Variants in NRK observed in about 807,000 individuals in gnomAD.
The protein encoded by NRK is nik-related protein kinase.
A neutral mutation model predicts 125.2 loss-of-function variants in NRK; 67 were observed. The observed-to-expected ratio is 0.54, with a 90% CI of 0.44 to 0.66. The LOEUF is 0.66. NRK is among the 30% of genes least tolerant of loss of function. The pLI is 0.00. For missense variants in NRK, 1,224 were observed against 1,192.9 expected, an observed-to-expected ratio of 1.03 and a Z score of -0.38; for synonymous variants, 458 against 429.0, an observed-to-expected ratio of 1.07 and a Z score of -0.84.
intron 2 of NRK, among the ~76,000 whole-genome samples, chrX:105,841,955 G>A (rs967195291): frequency 9.0e-6 from 1 of 110,965 alleles, no homozygotes; most frequent in Admixed American, 9.6e-5. Context: ...CTGAGTTACT[G>A]AATAGGTTCA....
chrX:105,867,015 T>C (rs1372288293), intron 2 of NRK, among the ~76,000 whole-genome samples: 1 of 111,121 alleles, frequency 9.0e-6, no homozygotes, highest in Non-Finnish European at 1.9e-5. Context: ...CAGTAGAGGA[T>C]AGTGAAAACA....
At position 105,892,797 on chromosome X, in the gene NRK, C is replaced by T. The variant is rs188419645; in HGVS notation, c.379-1035C>T. Among the ~76,000 whole-genome samples, 239 of 111,358 alleles carry T rather than the reference C, an allele frequency of 2.1e-3. 3 individuals carry two copies. Among genetic ancestry groups the T allele is most frequent in the African/African-American group, 7.2e-3 (220 of 30,705 alleles). On this transcript the variant is annotated intron_variant, in intron 5 of 28. Transcript: ENST00000243300. Reference sequence around the variant, plus strand: ...TGCAATAATATCAATGGTGAATAACCGTAAATTAGGGGAGTAGTTTTCTGA... The same window carrying T: ...TGCAATAATATCAATGGTGAATAACTGTAAATTAGGGGAGTAGTTTTCTGA...
In NRK at chrX:105,906,413, G is replaced by T; in HGVS notation, c.846-1G>T. The T allele has an allele frequency of 1.8e-6, 2 of 1,133,021 alleles. No individual in the cohort carries two copies. Among genetic ancestry groups the T allele is most frequent in the Non-Finnish European group, 2.4e-6 (2 of 845,166 alleles). 93.4% of individuals were successfully genotyped at this position (1,133,021 alleles called of 1,213,427 possible). A position where few individuals can be genotyped will look rare whatever the true frequency, so the allele number is the denominator to read the frequency against. ...TTTCCTCTCTTTGACTCATTTTTTAGGTCCCGTAAGTTCCACAATTTCATG... is the reference window on the plus strand; with the variant it reads ...TTTCCTCTCTTTGACTCATTTTTTATGTCCCGTAAGTTCCACAATTTCATG... On this transcript the variant is annotated splice_acceptor_variant, in intron 10 of 28. Coordinates refer to ENST00000243300, the MANE Select transcript of NRK (RefSeq NM_198465.4). LOFTEE classifies it high-confidence loss of function.
intron 15 of NRK, among the ~76,000 whole-genome samples, chrX:105,916,074 T>A (rs1034631108): frequency 4.5e-5 from 5 of 110,980 alleles, no homozygotes; most frequent in African/African-American, 1.6e-4. Context: ...ACAAATACTT[T>A]GACAGTATTC....
rs753583594 is a variant in NRK at position 105,953,038 on chromosome X, T to A, written c.4518T>A (p.Phe1506Leu). 1.7e-6 allele frequency: 2 copies of A among 1,162,125 alleles called. No individual in the cohort carries two copies. The highest frequency in any genetic ancestry group is 2.3e-6 in the Non-Finnish European group (2 of 865,570). The change falls in exon 28 of 29, where the codon TTT becomes TTA. Residue 1506 changes from phenylalanine (F) to leucine (L), a missense_variant. Phe to Leu is a conservative substitution (Grantham distance 22, BLOSUM62 0). Coordinates refer to ENST00000243300, the MANE Select transcript of NRK (RefSeq NM_198465.4). ...MWKDIPSSIA[F>L]ECTQRTTGWG... ...TTTTTTTCATTTGTATTGTAGCTTT[T>A]GAATGTACACAGCGAACCACAGGAT...
intron 5 of NRK, among the ~76,000 whole-genome samples, chrX:105,891,821 A>G (rs2040019136): frequency 8.9e-6 from 1 of 112,287 alleles, no homozygotes; most frequent in Non-Finnish European, 1.9e-5. Flanking sequence ...GTTTTCTCTC[A>G]GATGTCCAGT....
intron 19 of NRK, among the ~76,000 whole-genome samples, chrX:105,931,067 T>C (rs2040588606): frequency 8.9e-6 from 1 of 112,269 alleles, no homozygotes; most frequent in Admixed American, 9.4e-5. Flanking sequence ...TCTGGCTTAC[T>C]GGGATCAGTG....
intron 2 of NRK, among the ~76,000 whole-genome samples, chrX:105,858,678 TG>T (rs1292497573): frequency 9.0e-6 from 1 of 110,667 alleles, no homozygotes; most frequent in Non-Finnish European, 1.9e-5. Flanking sequence ...TCTGGTGAGG[TG>T]GCCTGATTTG....
intron 2 of NRK, among the ~76,000 whole-genome samples, chrX:105,860,569 C>T (rs1409918033): frequency 1.9e-4 from 21 of 110,204 alleles, no homozygotes; most frequent in Non-Finnish European, 3.2e-4. Flanking sequence ...TCCCCCAGGC[C>T]CCCTGCCCCC....
intron 18 of NRK, 68 bp from the exon 19 acceptor site, chrX:105,924,627 G>T: frequency 3.3e-6 from 3 of 911,944 alleles, no homozygotes; most frequent in Middle Eastern, 3.0e-4. Flanking sequence ...TAATTCTGTT[G>T]TACTTGCTAA....
At chrX:105,831,436 A>G (rs952456828) in intron 2 of NRK, among the ~76,000 whole-genome samples, 2 of 112,499 alleles carry the variant, frequency 1.8e-5, no homozygotes, top group Non-Finnish European at 3.8e-5. Flanking sequence ...GTATACATCC[A>G]TACCATTCTA....
At chrX:105,856,720 T>A (rs2039536246) in intron 2 of NRK, among the ~76,000 whole-genome samples, 1 of 111,812 alleles carries the variant, frequency 8.9e-6, no homozygotes, top group Admixed American at 9.5e-5. Flanking sequence ...ATGTTTCGAA[T>A]AGATGCTAAT....
intron 27 of NRK, among the ~76,000 whole-genome samples, chrX:105,951,493 G>C (rs947080749): frequency 1.8e-5 from 2 of 112,036 alleles, no homozygotes; most frequent in Non-Finnish European, 3.8e-5. Context: ...TTGAGAGTAT[G>C]CTAAAGACTG....
At chrX:105,921,753 GAAA>G (rs1371796066) in intron 16 of NRK, among the ~76,000 whole-genome samples, 2 of 107,596 alleles carry the variant, frequency 1.9e-5, no homozygotes, top group Non-Finnish European at 3.8e-5. Flanking sequence ...ACAGATGGAA[GAAA>G]ACTTGAACCC....
At position 105,946,471 on chromosome X, in the gene NRK, T is replaced by A; in HGVS notation, c.4353+7T>A. On this transcript the variant is annotated splice_region_variant and intron_variant, in intron 26 of 28. Transcript: ENST00000243300. Reference sequence around the variant, plus strand: ...TGTGACCCTGCCAAAGAATGTAAGATAACACCTTCAGATTCCTAGAAATTA... The same window carrying A: ...TGTGACCCTGCCAAAGAATGTAAGAAAACACCTTCAGATTCCTAGAAATTA... 8.7e-7 allele frequency: 1 copy of A among 1,152,063 alleles called. No individual in the cohort carries two copies. The highest frequency in any genetic ancestry group is 1.8e-5 in the African/African-American group (1 of 56,227). 94.9% of individuals were successfully genotyped at this position (1,152,063 alleles called of 1,213,427 possible).
rs750690609 is a variant in NRK at position 105,925,004 on chromosome X, G to A, written c.3285G>A (p.Ala1095=). 79 of 1,205,716 alleles carry A rather than the reference G, an allele frequency of 6.6e-5. No homozygotes were observed. The highest frequency in any genetic ancestry group is 5.3e-4 in the South Asian group (30 of 56,608). Residue 1095 remains alanine (A), a synonymous_variant, in exon 19 of 29, where the codon GCG becomes GCA. Coordinates refer to ENST00000243300, the MANE Select transcript of NRK (RefSeq NM_198465.4). ...ETDGPGLKRP[A]SQDFEYLQEE... Reference sequence around the variant, plus strand: ...ATGGTCCAGGATTGAAGAGACCTGCGTCTCAGGACTTTGAATATCTACAGG... The same window carrying A: ...ATGGTCCAGGATTGAAGAGACCTGCATCTCAGGACTTTGAATATCTACAGG...
chrX:105,824,074 A>G (rs1366129071), intron 1 of NRK, among the ~76,000 whole-genome samples: 1 of 112,255 alleles, frequency 8.9e-6, no homozygotes. Flanking sequence ...ATAATTTTAC[A>G]TTAGATGCTA....
intron 1 of NRK, among the ~76,000 whole-genome samples, chrX:105,823,839 A>C (rs1229666095): frequency 8.9e-6 from 1 of 112,235 alleles, no homozygotes; most frequent in Admixed American, 9.4e-5. Flanking sequence ...GGATTCTCCG[A>C]AAGGGAATAA....
rs199621090 is a variant in NRK, at chrX:105,866,045, C to CT, written c.124-14148dup. ...AAAAAAAAACATAAAAGTCAGTACA[C>CT]TTTTTTCATGGATCGGTTTTAATCT... On this transcript the variant is annotated intron_variant, in intron 2 of 28. Coordinates refer to ENST00000243300, the MANE Select transcript of NRK (RefSeq NM_198465.4). Among the ~76,000 whole-genome samples, 482 of 107,619 alleles carry CT rather than the reference C, an allele frequency of 4.5e-3. 8 individuals are homozygous for CT. Among genetic ancestry groups the CT allele is most frequent in the East Asian group, 0.039 (134 of 3,423 alleles). 93.5% of individuals were successfully genotyped at this position (107,619 alleles called of 115,157 possible). A position where few individuals can be genotyped will look rare whatever the true frequency, so the allele number is the denominator to read the frequency against.
Sources: allele counts gnomAD v4.1 joint callset (sites outside exome capture counted in the v4.1 genomes callset), GRCh38; gene constraint gnomAD v4.1.1; transcripts MANE v1.5; gene names NCBI Gene and HGNC (gene_info 2026-07-23, HGNC 2026-07-21).